The following UBE2R2 variants were observed in gnomAD, a reference collection of about 807,000 sequenced individuals.
UBE2R2 encodes ubiquitin conjugating enzyme E2 R2.
A neutral mutation model predicts 27.8 loss-of-function variants in UBE2R2; 1 was observed. The ratio of observed to expected loss-of-function variants is 0.04; its 90% CI spans 0.01 to 0.17. UBE2R2 has a LOEUF of 0.17. UBE2R2 is among the 10% of genes least tolerant of loss of function. UBE2R2 has a pLI of 1.00. For missense variants in UBE2R2, 100 were observed against 291.0 expected (o/e 0.34, Z 4.78); for synonymous variants, 106 against 113.3 (o/e 0.94, Z 0.41).
At chr9:33,895,641 TAGA>T (rs1190317912) in intron 2 of UBE2R2, among the ~76,000 whole-genome samples, 1 of 152,164 alleles carries the variant, frequency 6.6e-6, no homozygotes, top group Non-Finnish European at 1.5e-5. Flanking sequence ...AACTGGGGAA[TAGA>T]ACCATCTTAA....
intron 1 of UBE2R2, among the ~76,000 whole-genome samples, chr9:33,849,333 C>G (rs976688771): frequency 6.6e-6 from 1 of 151,978 alleles, no homozygotes; most frequent in East Asian, 1.9e-4. Flanking sequence ...AGGGAAATAT[C>G]CTTATCTTTT....
chr9:33,883,203 C>G (rs1821770443), intron 1 of UBE2R2, among the ~76,000 whole-genome samples: 1 of 152,110 alleles, frequency 6.6e-6, no homozygotes, highest in African/African-American at 2.4e-5. Context: ...AAGATTTACA[C>G]CTATGTTTTC....
chr9:33,897,024 A>ATTTTT lies in UBE2R2; in HGVS notation c.265-3124_265-3120dup, dbSNP rs749987839. ...CCAAGTAGCATACTTCTGTGGCCTA[A>ATTTTT]TTTTTTTTTTTTTTTTTTTTTTTTT... is the stretch of plus-strand genomic sequence containing the variant. On this transcript the variant is annotated intron_variant, in intron 2 of 4. Coordinates refer to ENST00000263228, the MANE Select transcript of UBE2R2 (RefSeq NM_017811.4). 9.7e-3 allele frequency among the ~76,000 whole-genome samples: 396 copies of ATTTTT among 40,642 alleles called. 130 individuals are homozygous for ATTTTT. Among genetic ancestry groups the ATTTTT allele is most frequent in the East Asian group, 0.036 (37 of 1,042 alleles). 26.7% of individuals were successfully genotyped at this position (40,642 alleles called of 152,430 possible). A position where few individuals can be genotyped will look rare whatever the true frequency, so the allele number is the denominator to read the frequency against.
intron 3 of UBE2R2, among the ~76,000 whole-genome samples, chr9:33,909,699 G>A (rs1013209660): frequency 5.3e-5 from 8 of 152,010 alleles, no homozygotes; most frequent in Non-Finnish European, 1.0e-4. Context: ...CATTACAGGC[G>A]TGAGCCACCA....
intron 3 of UBE2R2, among the ~76,000 whole-genome samples, chr9:33,911,251 A>C (rs1393904937): frequency 6.6e-6 from 1 of 151,654 alleles, no homozygotes; most frequent in Non-Finnish European, 1.5e-5. Context: ...TCTACTAAAA[A>C]TACAAAATTA....
intron 1 of UBE2R2, among the ~76,000 whole-genome samples, chr9:33,855,002 GGCATGATAGTTAAT>G (rs1821067856): frequency 8.7e-6 from 1 of 114,956 alleles, no homozygotes; most frequent in Non-Finnish European, 1.9e-5. Flanking sequence ...ATCAATGATG[GGCATGATAGTTAAT>G]TCATATTAAC....
intron 1 of UBE2R2, among the ~76,000 whole-genome samples, chr9:33,826,748 C>A (rs1311140568): frequency 1.3e-5 from 2 of 152,096 alleles, no homozygotes; most frequent in East Asian, 1.9e-4. Flanking sequence ...ACTTTAAACA[C>A]CTTTATTTGA....
intron 1 of UBE2R2, among the ~76,000 whole-genome samples, chr9:33,819,929 G>A (rs559730395): frequency 1.3e-3 from 203 of 152,342 alleles, no homozygotes; most frequent in African/African-American, 4.5e-3. Context: ...GAGCCACTGC[G>A]CCCGGCCATG....
intron 1 of UBE2R2, among the ~76,000 whole-genome samples, chr9:33,825,210 A>G (rs527326995): frequency 1.3e-5 from 2 of 152,032 alleles, no homozygotes; most frequent in East Asian, 3.9e-4. Flanking sequence ...GGCAAACAAC[A>G]AAAACAAAAA....
chr9:33,835,833 T>C lies in UBE2R2; in HGVS notation c.177+17899T>C, dbSNP rs556727568. Among the ~76,000 whole-genome samples, 52 of 152,214 alleles carry C rather than the reference T, an allele frequency of 3.4e-4. 1 individual carries two copies. The highest frequency in any genetic ancestry group is 1.2e-3 in the African/African-American group (50 of 41,542). On this transcript the variant is annotated intron_variant, in intron 1 of 4. Transcript: ENST00000263228. Reference sequence around the variant, plus strand: ...GGGAATTCAAGGTTACAGTGAGCTATGATTGCACTACTGCACTCCAGCCTG... The same window carrying C: ...GGGAATTCAAGGTTACAGTGAGCTACGATTGCACTACTGCACTCCAGCCTG...
At chr9:33,895,330 T>G (rs1239636404) in intron 2 of UBE2R2, among the ~76,000 whole-genome samples, 1 of 152,248 alleles carries the variant, frequency 6.6e-6, no homozygotes, top group Non-Finnish European at 1.5e-5. Flanking sequence ...TGAATGGACT[T>G]GGCATCCTTG....
At chr9:33,825,244 C>CTTTT (rs71506138) in intron 1 of UBE2R2, among the ~76,000 whole-genome samples, 20 of 119,614 alleles carry the variant, frequency 1.7e-4, no homozygotes, top group African/African-American at 4.4e-4. Flanking sequence ...AAAAGCAAAG[C>CTTTT]TTTTTTTTTT....
chr9:33,853,352 C>T (rs941607287), intron 1 of UBE2R2, among the ~76,000 whole-genome samples: 1 of 133,136 alleles, frequency 7.5e-6, no homozygotes, highest in African/African-American at 2.9e-5. Context: ...TGCAGTGGTG[C>T]GACCTTGGCT....
chr9:33,897,442 C>G (rs371072658), intron 2 of UBE2R2, among the ~76,000 whole-genome samples: 3 of 148,906 alleles, frequency 2.0e-5, no homozygotes, highest in East Asian at 2.0e-4. Flanking sequence ...CTCAGCCTCC[C>G]GAGTAGCTGG....
chr9:33,834,594 A>T (rs963846961), intron 1 of UBE2R2, among the ~76,000 whole-genome samples: 2 of 152,074 alleles, frequency 1.3e-5, no homozygotes, highest in Non-Finnish European at 2.9e-5. Context: ...TTATATTTAT[A>T]AAACCTATTC....
intron 1 of UBE2R2, among the ~76,000 whole-genome samples, chr9:33,832,222 C>T (rs1300644862): frequency 4.7e-5 from 7 of 150,488 alleles, no homozygotes; most frequent in Non-Finnish European, 1.0e-4. Flanking sequence ...GCAGGAGAAT[C>T]GCTTGAACCC....
chr9:33,874,669 TTTTG>T lies in UBE2R2; in HGVS notation c.178-12196_178-12193del, dbSNP rs746421763. Among the ~76,000 whole-genome samples, 148 of 152,136 alleles carry T rather than the reference TTTTG, an allele frequency of 9.7e-4. 1 individual carries two copies. The highest frequency in any genetic ancestry group is 2.8e-3 in the African/African-American group (117 of 41,526). On this transcript the variant is annotated intron_variant, in intron 1 of 4. Transcript: ENST00000263228. Reference sequence around the variant, plus strand: ...CATTTGTGAAAATTTCAGAATAGTTTTTTGTTTGTTTGTTTGTTTTGAGACAGGG... The same window carrying T: ...CATTTGTGAAAATTTCAGAATAGTTTTTTGTTTGTTTGTTTTGAGACAGGG...
intron 1 of UBE2R2, among the ~76,000 whole-genome samples, chr9:33,885,080 G>C (rs1479689376): frequency 2.6e-5 from 4 of 152,172 alleles, no homozygotes; most frequent in Non-Finnish European, 4.4e-5. Flanking sequence ...TTGTAGAGAG[G>C]CTCTGCGTAT....
chr9:33,860,681 A>G (rs936097170), intron 1 of UBE2R2, among the ~76,000 whole-genome samples: 3 of 152,106 alleles, frequency 2.0e-5, no homozygotes, highest in Non-Finnish European at 2.9e-5. Flanking sequence ...CAGGAAGATC[A>G]CTTGAGTATA....
Sources: gnomAD v4.1 joint callset for allele counts (sites outside exome capture counted in the v4.1 genomes callset) on GRCh38, gnomAD v4.1.1 for gene constraint, MANE v1.5 for transcripts, NCBI Gene and HGNC (gene_info 2026-07-23, HGNC 2026-07-21) for gene names.